Variants in TCF3 observed in about 807,000 individuals in gnomAD.
TCF3 encodes transcription factor 3, also known as transcription factor E2-alpha.
In TCF3, 54 loss-of-function variants were observed where a neutral mutation model predicts 72.3. The observed-to-expected ratio is 0.75, with a 90% CI of 0.60 to 0.94. The LOEUF (loss-of-function observed/expected upper bound fraction) is 0.94, where lower values mean the gene tolerates loss of function less well. Among genes scored for constraint, TCF3 ranks in the 40% least tolerant of loss-of-function variants. The pLI is 0.00. For missense variants in TCF3, 1,078 were observed against 934.4 expected, an observed-to-expected ratio of 1.15 and a Z score of -2.00; for synonymous variants, 525 against 412.6, an observed-to-expected ratio of 1.27 and a Z score of -3.30.
intron 8 of TCF3, 115 bp downstream of exon 8, chr19:1,623,836 G>T: frequency 9.6e-7 from 1 of 1,040,276 alleles, no homozygotes; most frequent in African/African-American, 1.6e-5. Flanking sequence ...AAATCACAGG[G>T]GGCCTGTCCA....
At chr19:1,639,913 T>C (rs1490311019) in intron 3 of TCF3, among the ~76,000 whole-genome samples, 8 of 151,756 alleles carry the variant, frequency 5.3e-5, no homozygotes, top group African/African-American at 1.9e-4. Flanking sequence ...GATCTGAAAG[T>C]CACCAAAAAC....
At chr19:1,627,283 T>C in intron 6 of TCF3, 76 bp downstream of exon 6, 1 of 1,215,744 alleles carries the variant, frequency 8.2e-7, no homozygotes. Flanking sequence ...CCAGGAGAGC[T>C]TCTGCAGATC....
chr19:1,610,599 G>A lies in TCF3; in HGVS notation c.*1108C>T, dbSNP rs2060912370. The A allele has an allele frequency of 8.6e-6, 2 of 231,360 alleles. No individual in the cohort carries two copies. The highest frequency in any genetic ancestry group is 1.7e-5 in the Non-Finnish European group (2 of 117,020). 14.3% of individuals were successfully genotyped at this position (231,360 alleles called of 1,614,324 possible). A position where few individuals can be genotyped will look rare whatever the true frequency, so the allele number is the denominator to read the frequency against. ...CAGGGGTCACTGGTCCCAACAAAATGCCCCATTTCAGAGAGCTGTGCAGGT... is the reference window on the plus strand; with the variant it reads ...CAGGGGTCACTGGTCCCAACAAAATACCCCATTTCAGAGAGCTGTGCAGGT... On this transcript the variant is annotated 3_prime_UTR_variant, in exon 19 of 19. Transcript: ENST00000262965.
At chr19:1,632,304 G>T in intron 4 of TCF3, 28 bp downstream of exon 4, 1 of 1,567,694 alleles carries the variant, frequency 6.4e-7, no homozygotes, top group Non-Finnish European at 8.7e-7. Context: ...AGGAAACTCA[G>T]GGTCTCAGGC....
chr19:1,637,923 A>T (rs923780876), intron 3 of TCF3, among the ~76,000 whole-genome samples: 1 of 152,142 alleles, frequency 6.6e-6, no homozygotes, highest in Non-Finnish European at 1.5e-5. Flanking sequence ...AAAAAAGAAA[A>T]AGAAAAAGAG....
chr19:1,634,119 C>A (rs780559489), intron 3 of TCF3, among the ~76,000 whole-genome samples: 35 of 152,252 alleles, frequency 2.3e-4, no homozygotes, highest in Non-Finnish European at 3.8e-4. Context: ...CGGCCTCAAT[C>A]TGCCCTTTGG....
chr19:1,620,733 T>C (rs1311895847), intron 13 of TCF3, among the ~76,000 whole-genome samples: 6 of 152,128 alleles, frequency 3.9e-5, no homozygotes, highest in African/African-American at 1.2e-4. Context: ...CTTTCCTGGA[T>C]TGCCCAGTGG....
chr19:1,630,318 G>C (rs539099480), intron 5 of TCF3, among the ~76,000 whole-genome samples: 1 of 152,302 alleles, frequency 6.6e-6, no homozygotes, highest in South Asian at 2.1e-4. Flanking sequence ...CGTGGCACGT[G>C]GTGGGCCCTC....
At chr19:1,642,638 G>C (rs1309368442) in intron 3 of TCF3, among the ~76,000 whole-genome samples, 1 of 152,170 alleles carries the variant, frequency 6.6e-6, no homozygotes, top group South Asian at 2.1e-4. Context: ...CACGATCTTT[G>C]TCACCTATTA....
intron 7 of TCF3, among the ~76,000 whole-genome samples, chr19:1,625,047 A>G (rs994523340): frequency 4.0e-4 from 61 of 152,128 alleles, no homozygotes; most frequent in African/African-American, 1.4e-3. Context: ...GGATCTCCCT[A>G]TGTTGCCCAG....
At chr19:1,641,624 T>A (rs1275082824) in intron 3 of TCF3, among the ~76,000 whole-genome samples, 1 of 152,160 alleles carries the variant, frequency 6.6e-6, no homozygotes, top group East Asian at 1.9e-4. Context: ...AGCTAATTTT[T>A]GTATTTTTAG....
intron 3 of TCF3, among the ~76,000 whole-genome samples, chr19:1,646,062 G>A (rs1260140903): frequency 1.3e-5 from 2 of 152,092 alleles, no homozygotes; most frequent in Non-Finnish European, 2.9e-5. Flanking sequence ...CACAGGCCCA[G>A]CTCCAACCCT....
chr19:1,649,945 C>G (rs1455280839), intron 2 of TCF3, among the ~76,000 whole-genome samples: 1 of 152,226 alleles, frequency 6.6e-6, no homozygotes, highest in Non-Finnish European at 1.5e-5. Context: ...ATCTGTAAAG[C>G]AGTAGGCTGT....
chr19:1,627,219 T>TG, intron 6 of TCF3, 140 bp downstream of exon 6: 1 of 99,100 alleles, frequency 1.0e-5, no homozygotes, highest in Non-Finnish European at 2.0e-5. Flanking sequence ...CAGCCCACCC[T>TG]GGCCCAAGCC....
chr19:1,652,067 G>T (rs551785850), intron 1 of TCF3, among the ~76,000 whole-genome samples: 1 of 150,222 alleles, frequency 6.7e-6, no homozygotes, highest in African/African-American at 2.4e-5. Context: ...TGCCCGGCCC[G>T]ACGGGGGCGA....
intron 3 of TCF3, among the ~76,000 whole-genome samples, chr19:1,644,912 C>T (rs2065857045): frequency 6.6e-6 from 1 of 152,098 alleles, no homozygotes; most frequent in South Asian, 2.1e-4. Flanking sequence ...CCCCCAGGGC[C>T]TGACCCTCTG....
chr19:1,630,508 C>T (rs529632614), intron 5 of TCF3, among the ~76,000 whole-genome samples: 3 of 152,262 alleles, frequency 2.0e-5, no homozygotes, highest in East Asian at 1.9e-4. Context: ...CAAAGTCCTC[C>T]GGGCCTCAGT....
chr19:1,644,259 G>A (rs1303713834), intron 3 of TCF3, among the ~76,000 whole-genome samples: 1 of 152,210 alleles, frequency 6.6e-6, no homozygotes, highest in African/African-American at 2.4e-5. Flanking sequence ...GGCCACACCT[G>A]GGGCCAGCGC....
At chr19:1,629,717 T>C (rs1347440807) in intron 5 of TCF3, among the ~76,000 whole-genome samples, 1 of 152,192 alleles carries the variant, frequency 6.6e-6, no homozygotes, top group Non-Finnish European at 1.5e-5. Flanking sequence ...GGGCACGGAA[T>C]GTGACTGGGG....
Sources: allele counts gnomAD v4.1 joint callset (sites outside exome capture counted in the v4.1 genomes callset), GRCh38; gene constraint gnomAD v4.1.1; transcripts MANE v1.5; gene names NCBI Gene and HGNC (gene_info 2026-07-23, HGNC 2026-07-21).